ARRB1: variants seen among roughly 807,000 people sequenced by gnomAD.
ARRB1 encodes the protein beta-arrestin-1.
ARRB1 carries 21 observed loss-of-function variants against 56.8 expected under a neutral mutation model. That is an observed-to-expected ratio of 0.37 (90% CI 0.26 to 0.53). The LOEUF (loss-of-function observed/expected upper bound fraction) is 0.53. Ranked by LOEUF, ARRB1 falls within the 20% of genes least tolerant of loss-of-function variation. ARRB1 has a pLI of 0.88. For missense variants in ARRB1, 424 were observed against 553.7 expected (o/e 0.77, Z 2.35); for synonymous variants, 210 against 218.6 (o/e 0.96, Z 0.35).
intron 1 of ARRB1, among the ~76,000 whole-genome samples, chr11:75,327,777 C>T (rs1418450181): frequency 4.0e-5 from 6 of 151,698 alleles, no homozygotes; most frequent in Admixed American, 6.6e-5. Flanking sequence ...TTAGTAGAGA[C>T]GGGGTTTCGC....
intron 1 of ARRB1, among the ~76,000 whole-genome samples, chr11:75,318,389 G>A (rs1947297044): frequency 6.6e-6 from 1 of 151,970 alleles, no homozygotes; most frequent in Non-Finnish European, 1.5e-5. Flanking sequence ...GAACTCCTGG[G>A]CTCAAAAGAT....
chr11:75,305,489 A>T (rs2140471683), intron 1 of ARRB1, among the ~76,000 whole-genome samples: 1 of 152,306 alleles, frequency 6.6e-6, no homozygotes, highest in South Asian at 2.1e-4. Flanking sequence ...CCAACTGCAC[A>T]TTCAGTGACT....
chr11:75,276,308 C>T (rs1285581118), intron 10 of ARRB1, among the ~76,000 whole-genome samples: 1 of 152,176 alleles, frequency 6.6e-6, no homozygotes, highest in Non-Finnish European at 1.5e-5. Flanking sequence ...GCCTTAGCTG[C>T]CAACAAGCCT....
Position 75,290,057 on chromosome 11 carries a change from G to A in ARRB1, c.21-18C>T. The A allele has an allele frequency of 6.2e-7, 1 of 1,614,112 alleles. No individual in the cohort carries two copies. The highest frequency in any genetic ancestry group is 8.5e-7 in the Non-Finnish European group (1 of 1,180,006). ...TGAACACTCTGTGGAGAGAAAGAGA[G>A]GTCAGGCCAGGGTTCGCGTATCCTG... is the stretch of plus-strand genomic sequence containing the variant. On this transcript the variant is annotated intron_variant, in intron 1 of 15. Coordinates refer to ENST00000420843, the MANE Select transcript of ARRB1 (RefSeq NM_004041.5).
intron 1 of ARRB1, among the ~76,000 whole-genome samples, chr11:75,295,175 T>C (rs1946703826): frequency 6.9e-6 from 1 of 145,080 alleles, no homozygotes; most frequent in Non-Finnish European, 1.5e-5. Context: ...TGAGTCAAGA[T>C]TGTGCCACTG....
At chr11:75,348,132 CTGGT>C (rs1947800059) in intron 1 of ARRB1, among the ~76,000 whole-genome samples, 1 of 152,214 alleles carries the variant, frequency 6.6e-6, no homozygotes, top group African/African-American at 2.4e-5. Context: ...TCCCAGACTG[CTGGT>C]GACCGGTCTG....
intron 1 of ARRB1, 83 bp from the exon 2 acceptor site, chr11:75,290,122 T>TG: frequency 1.3e-6 from 2 of 1,567,114 alleles, no homozygotes; most frequent in Non-Finnish European, 1.8e-6. Context: ...GAGGCAGGAC[T>TG]GGGGACCAGG....
chr11:75,289,798 C>T (rs1946562202), intron 2 of ARRB1, among the ~76,000 whole-genome samples: 1 of 152,172 alleles, frequency 6.6e-6, no homozygotes, highest in Non-Finnish European at 1.5e-5. Context: ...GCTGTGCTTC[C>T]CCACTCTGAA....
chr11:75,276,458 C>A (rs1386022391), intron 10 of ARRB1, among the ~76,000 whole-genome samples: 1 of 152,194 alleles, frequency 6.6e-6, no homozygotes, highest in African/African-American at 2.4e-5. Flanking sequence ...CAGACAAGAG[C>A]TGTGTACCTA....
chr11:75,273,290 T>TC (rs1312318765), intron 11 of ARRB1, among the ~76,000 whole-genome samples: 4 of 151,922 alleles, frequency 2.6e-5, no homozygotes, highest in African/African-American at 9.7e-5. Context: ...GGATTCTGCT[T>TC]CTCTCAGCAA....
chr11:75,308,623 T>A (rs1947085096), intron 1 of ARRB1, among the ~76,000 whole-genome samples: 1 of 152,058 alleles, frequency 6.6e-6, no homozygotes, highest in Admixed American at 6.6e-5. Context: ...CACACACCTA[T>A]AATGCCAGCT....
intron 12 of ARRB1, 125 bp downstream of exon 12, chr11:75,272,770 G>A: frequency 2.4e-6 from 2 of 824,762 alleles, no homozygotes; most frequent in Non-Finnish European, 3.9e-6. Context: ...AGGGACAGGA[G>A]GTTCCTCCTC....
chr11:75,278,697 C>A lies in ARRB1; in HGVS notation c.530G>T (p.Arg177Met), dbSNP rs1946255498. 6.2e-7 allele frequency: 1 copy of A among 1,614,046 alleles called. No homozygotes were observed. Among genetic ancestry groups the A allele is most frequent in the Non-Finnish European group, 8.5e-7 (1 of 1,179,944 alleles). Residue 177 changes from arginine (R) to methionine (M), a missense_variant, in exon 8 of 16, where the codon AGG becomes ATG. Coordinates refer to ENST00000420843, the MANE Select transcript of ARRB1 (RefSeq NM_004041.5). Reference protein sequence around the residue: ...VIRKVQYAPERPGPQPTAETT... With the variant: ...VIRKVQYAPEMPGPQPTAETT... ...CTCGGCTGTGGGCTGGGGGCCAGGCCTCTCTGGGGCATACTGAACCTTCCG... is the reference window on the plus strand; with the variant it reads ...CTCGGCTGTGGGCTGGGGGCCAGGCATCTCTGGGGCATACTGAACCTTCCG...
At chr11:75,346,730 C>G (rs967375317) in intron 1 of ARRB1, among the ~76,000 whole-genome samples, 17 of 152,186 alleles carry the variant, frequency 1.1e-4, no homozygotes, top group African/African-American at 4.1e-4. Context: ...TCTCTCCATA[C>G]CCAGGCACTG....
intron 1 of ARRB1, among the ~76,000 whole-genome samples, chr11:75,305,275 C>A (rs949978254): frequency 6.6e-6 from 1 of 151,348 alleles, no homozygotes; most frequent in Non-Finnish European, 1.5e-5. Flanking sequence ...GAACTCCTGA[C>A]CTCAAGTGAT....
At chr11:75,268,774 G>T in intron 14 of ARRB1, 115 bp downstream of exon 14, 1 of 1,127,412 alleles carries the variant, frequency 8.9e-7, no homozygotes, top group East Asian at 2.5e-5. Context: ...AAAAGATCTG[G>T]GGACCCGAGA....
chr11:75,309,806 T>C (rs1240195751), intron 1 of ARRB1, among the ~76,000 whole-genome samples: 1 of 152,102 alleles, frequency 6.6e-6, no homozygotes, highest in Non-Finnish European at 1.5e-5. Flanking sequence ...GCAGATAAGG[T>C]GGGCACAGCA....
At chr11:75,267,834 G>A in intron 14 of ARRB1, 131 bp from the exon 15 acceptor site, 1 of 748,102 alleles carries the variant, frequency 1.3e-6, no homozygotes, top group Non-Finnish European at 2.3e-6. Context: ...GGGGAATGGA[G>A]ATGGGGGAGG....
intron 1 of ARRB1, among the ~76,000 whole-genome samples, chr11:75,298,024 T>A (rs1293922224): frequency 7.0e-6 from 1 of 142,600 alleles, no homozygotes; most frequent in South Asian, 2.2e-4. Context: ...CACAAGCAAC[T>A]GAAGAAAAAA....
Sources: gnomAD v4.1 joint callset for allele counts (sites outside exome capture counted in the v4.1 genomes callset) on GRCh38, gnomAD v4.1.1 for gene constraint, MANE v1.5 for transcripts, NCBI Gene and HGNC (gene_info 2026-07-23, HGNC 2026-07-21) for gene names.